SORCS1: variants seen among roughly 807,000 people sequenced by gnomAD.
SORCS1 encodes sortilin related VPS10 domain containing receptor 1.
SORCS1 carries 60 observed loss-of-function variants against 146.1 expected under a neutral mutation model. The observed-to-expected ratio is 0.41, with a 90% CI of 0.33 to 0.51. The LOEUF (loss-of-function observed/expected upper bound fraction) is 0.51, where lower values mean the gene tolerates loss of function less well. Among genes scored for constraint, SORCS1 ranks in the 20% least tolerant of loss-of-function variants. The probability of loss-of-function intolerance (pLI) is 0.21; values close to 1 mark genes in which losing one functional copy is unlikely to be tolerated. For missense variants in SORCS1, 1,352 were observed against 1,487.6 expected, an observed-to-expected ratio of 0.91 and a Z score of 1.50; for synonymous variants, 637 against 584.0, an observed-to-expected ratio of 1.09 and a Z score of -1.31.
intron 4 of SORCS1, among the ~76,000 whole-genome samples, chr10:106,775,183 T>TG (rs1220642628): frequency 7.2e-5 from 11 of 152,070 alleles, no homozygotes; most frequent in Admixed American, 6.5e-4. Flanking sequence ...CTGGCATCGG[T>TG]GGGGGGGAAT....
chr10:106,648,937 C>T (rs1165387384), intron 18 of SORCS1, among the ~76,000 whole-genome samples: 1 of 152,102 alleles, frequency 6.6e-6, no homozygotes, highest in African/African-American at 2.4e-5. Context: ...AATGCACCGA[C>T]AGGCACCAGC....
chr10:107,034,231 G>T (rs1958790893), intron 1 of SORCS1, among the ~76,000 whole-genome samples: 2 of 152,134 alleles, frequency 1.3e-5, no homozygotes, highest in Non-Finnish European at 2.9e-5. Flanking sequence ...GGTAGAGAGG[G>T]AGCTGAAGGC....
At chr10:106,982,417 T>A (rs1956278421) in intron 1 of SORCS1, among the ~76,000 whole-genome samples, 1 of 152,190 alleles carries the variant, frequency 6.6e-6, no homozygotes, top group Admixed American at 6.5e-5. Flanking sequence ...CCAAGACAGC[T>A]TAGCTTGAGA....
intron 18 of SORCS1, among the ~76,000 whole-genome samples, chr10:106,640,591 C>T (rs775774231): frequency 1.1e-4 from 16 of 152,218 alleles, no homozygotes; most frequent in Non-Finnish European, 1.9e-4. Flanking sequence ...TTCTCTCAAA[C>T]GAATGCCTCC....
intron 1 of SORCS1, among the ~76,000 whole-genome samples, chr10:107,072,342 T>A (rs1302621751): frequency 6.6e-6 from 1 of 152,172 alleles, no homozygotes; most frequent in Non-Finnish European, 1.5e-5. Context: ...ATTATCTCAA[T>A]GAAAAGTCTC....
chr10:107,050,876 A>C (rs538872672), intron 1 of SORCS1, among the ~76,000 whole-genome samples: 2 of 152,204 alleles, frequency 1.3e-5, no homozygotes, highest in South Asian at 4.2e-4. Context: ...CTCCCTCCAC[A>C]TCTTTACAAC....
chr10:106,977,457 A>C (rs1046490536), intron 1 of SORCS1, among the ~76,000 whole-genome samples: 1 of 152,136 alleles, frequency 6.6e-6, no homozygotes, highest in Non-Finnish European at 1.5e-5. Flanking sequence ...TCGATTGCAA[A>C]AATTTTCTCC....
intron 2 of SORCS1, among the ~76,000 whole-genome samples, chr10:106,836,364 C>A (rs1948785607): frequency 6.6e-6 from 1 of 151,474 alleles, no homozygotes; most frequent in Admixed American, 6.6e-5. Flanking sequence ...GTCCCAGCTA[C>A]TCGGGAGGCT....
intron 18 of SORCS1, among the ~76,000 whole-genome samples, chr10:106,649,084 C>T (rs1468353753): frequency 6.6e-6 from 1 of 152,152 alleles, no homozygotes; most frequent in Non-Finnish European, 1.5e-5. Context: ...TACCTCCGCT[C>T]AATAAAACCT....
chr10:107,128,094 T>C (rs1590198675), intron 1 of SORCS1, among the ~76,000 whole-genome samples: 2 of 152,236 alleles, frequency 1.3e-5, no homozygotes, highest in East Asian at 3.9e-4. Context: ...TTACTACTTG[T>C]ACACTCTTCA....
chr10:106,752,606 T>G (rs1858341341), intron 5 of SORCS1, among the ~76,000 whole-genome samples: 2 of 152,186 alleles, frequency 1.3e-5, no homozygotes, highest in Non-Finnish European at 2.9e-5. Flanking sequence ...CCTAGTTAGA[T>G]TCTTCCTCTT....
Position 106,706,245 on chromosome 10 carries a change from A to C in SORCS1, c.1233+300T>G, listed in dbSNP as rs566428156. Among the ~76,000 whole-genome samples, 3 of 152,028 alleles carry C rather than the reference A, an allele frequency of 2.0e-5. No individual in the cohort carries two copies. The East Asian group carries it at 5.8e-4, about 29-fold the overall frequency. On this transcript the variant is annotated intron_variant, in intron 8 of 25. Coordinates refer to ENST00000263054, the MANE Select transcript of SORCS1 (RefSeq NM_052918.5). ...AGAGAAAAAGAGAAAGTAAGATGAA[A>C]GAAAGAAAAAGAGAAAGAGAAAAAA...
At chr10:106,628,660 C>T (rs999563413) in intron 19 of SORCS1, among the ~76,000 whole-genome samples, 1 of 152,156 alleles carries the variant, frequency 6.6e-6, no homozygotes, top group Non-Finnish European at 1.5e-5. Flanking sequence ...TATACTCTTT[C>T]TCTCTACACC....
At chr10:107,042,775 A>G (rs922509838) in intron 1 of SORCS1, among the ~76,000 whole-genome samples, 1 of 151,844 alleles carries the variant, frequency 6.6e-6, no homozygotes, top group Non-Finnish European at 1.5e-5. Flanking sequence ...ACACCTGACT[A>G]ATTTTTGTAT....
At chr10:106,918,451 C>T (rs1952550141) in intron 2 of SORCS1, among the ~76,000 whole-genome samples, 1 of 152,170 alleles carries the variant, frequency 6.6e-6, no homozygotes, top group African/African-American at 2.4e-5. Context: ...GCATGAGCCA[C>T]CGTGCCTGGC....
intron 1 of SORCS1, among the ~76,000 whole-genome samples, chr10:107,101,272 T>C (rs1352027101): frequency 6.6e-6 from 1 of 152,202 alleles, no homozygotes; most frequent in African/African-American, 2.4e-5. Flanking sequence ...CTTGAACTCC[T>C]GACCTTCAGG....
At chr10:106,791,624 A>T (rs1357171797) in intron 3 of SORCS1, among the ~76,000 whole-genome samples, 1 of 152,132 alleles carries the variant, frequency 6.6e-6, no homozygotes, top group Non-Finnish European at 1.5e-5. Context: ...GCTTGAACCC[A>T]GGAGGCATAG....
At chr10:107,120,236 T>C (rs1590182098) in intron 1 of SORCS1, among the ~76,000 whole-genome samples, 2 of 152,320 alleles carry the variant, frequency 1.3e-5, no homozygotes, top group South Asian at 4.1e-4. Context: ...GGCATCTTCA[T>C]ACATCATATA....
intron 2 of SORCS1, among the ~76,000 whole-genome samples, chr10:106,926,875 AGAG>A (rs1564818635): frequency 7.9e-6 from 1 of 127,150 alleles, no homozygotes; most frequent in East Asian, 2.1e-4. Flanking sequence ...ACAGAGAGAG[AGAG>A]AGAGAGAGAG....
Sources: gnomAD v4.1 joint callset for allele counts (sites outside exome capture counted in the v4.1 genomes callset) on GRCh38, gnomAD v4.1.1 for gene constraint, MANE v1.5 for transcripts, NCBI Gene and HGNC (gene_info 2026-07-23, HGNC 2026-07-21) for gene names.